BMERB1: variants seen among roughly 807,000 people sequenced by gnomAD.
BMERB1 encodes bMERB domain containing 1.
BMERB1 carries 12 observed loss-of-function variants against 23.6 expected under a neutral mutation model. The observed-to-expected ratio is 0.51, with a 90% CI of 0.33 to 0.82. The LOEUF is 0.82. Ranked by LOEUF, BMERB1 falls within the 40% of genes least tolerant of loss-of-function variation. BMERB1 has a pLI of 0.03. For missense variants in BMERB1, 247 were observed against 255.4 expected, an observed-to-expected ratio of 0.97 and a Z score of 0.22; for synonymous variants, 122 against 96.6, an observed-to-expected ratio of 1.26 and a Z score of -1.54.
In BMERB1 at chr16:15,434,739, A is replaced by C. The variant is rs1466482209; in HGVS notation, c.86A>C (p.Lys29Thr). Residue 29 changes from lysine to threonine, a missense_variant, in exon 1 of 6, where the codon AAA becomes ACA. Lys to Thr is a moderately conservative substitution (Grantham distance 78, BLOSUM62 -1). Coordinates refer to ENST00000300006, the MANE Select transcript of BMERB1 (RefSeq NM_033201.3). ...RYGAVEETAWKTERLGRNQLD... is the reference protein window; with the variant it reads ...RYGAVEETAWTTERLGRNQLD... The stretch of plus-strand genomic sequence containing the variant: ...GGGGCGGTGGAGGAGACGGCTTGGA[A>C]AACGGAGAGACTGGGGAGAAGTGAG... 7.4e-7 allele frequency: 1 copy of C among 1,349,040 alleles called. No homozygotes were observed. Among genetic ancestry groups the C allele is most frequent in the African/African-American group, 1.5e-5 (1 of 67,116 alleles). 83.6% of individuals were successfully genotyped at this position (1,349,040 alleles called of 1,614,324 possible).
chr16:15,477,277 C>T (rs768039180), intron 1 of BMERB1, among the ~76,000 whole-genome samples: 32 of 152,102 alleles, frequency 2.1e-4, no homozygotes, highest in Non-Finnish European at 4.1e-4. Context: ...ACTTATAAAA[C>T]CATCAGATCT....
intron 2 of BMERB1, among the ~76,000 whole-genome samples, chr16:15,554,902 G>A (rs1036574564): frequency 2.0e-5 from 3 of 152,030 alleles, no homozygotes; most frequent in East Asian, 1.9e-4. Context: ...TCCTGACCTT[G>A]TGATCCGCCC....
chr16:15,488,615 C>T (rs1319182756), intron 1 of BMERB1, among the ~76,000 whole-genome samples: 3 of 150,260 alleles, frequency 2.0e-5, no homozygotes, highest in South Asian at 2.1e-4. Context: ...GGGTGGATCA[C>T]GAGGTCAGGA....
At chr16:15,511,978 G>A (rs570447801) in intron 1 of BMERB1, among the ~76,000 whole-genome samples, 37 of 115,778 alleles carry the variant, frequency 3.2e-4, no homozygotes, top group Non-Finnish European at 5.4e-4. Flanking sequence ...GCATCACCAC[G>A]CTCCAGCCTG....
intron 3 of BMERB1, chr16:15,577,162 C>T (rs1029991371): frequency 3.3e-5 from 5 of 152,066 alleles, no homozygotes; most frequent in Admixed American, 6.6e-5. Context: ...AGCGTGGAGC[C>T]GCCATTTTGA....
chr16:15,461,167 C>A (rs1292573664), intron 1 of BMERB1, among the ~76,000 whole-genome samples: 1 of 151,012 alleles, frequency 6.6e-6, no homozygotes, highest in East Asian at 1.9e-4. Flanking sequence ...GGGCTTTGAG[C>A]CTTCTGACCC....
At chr16:15,522,501 A>G (rs1312874557) in intron 2 of BMERB1, among the ~76,000 whole-genome samples, 3 of 152,154 alleles carry the variant, frequency 2.0e-5, no homozygotes, top group African/African-American at 7.2e-5. Context: ...AACATTTTCT[A>G]TGCTGGCTAG....
chr16:15,438,734 A>G (rs2050910551), intron 1 of BMERB1, among the ~76,000 whole-genome samples: 1 of 152,208 alleles, frequency 6.6e-6, no homozygotes, highest in East Asian at 1.9e-4. Context: ...GGCCGTGATT[A>G]CAGATGTGAG....
chr16:15,436,442 A>G lies in BMERB1; in HGVS notation c.106+1683A>G, dbSNP rs186327890. Among the ~76,000 whole-genome samples the G allele has an allele frequency of 3.6e-3, 555 of 152,096 alleles. 3 individuals carry two copies. The highest frequency in any genetic ancestry group is 0.013 in the African/African-American group (528 of 41,486). ...CCTGGCTAACTTTTGTATTTTTAGT[A>G]GAGATGGGGTTTCACCATGTTGGGC... is the stretch of plus-strand genomic sequence containing the variant. On this transcript the variant is annotated intron_variant, in intron 1 of 5. Coordinates refer to ENST00000300006, the MANE Select transcript of BMERB1 (RefSeq NM_033201.3).
chr16:15,534,334 G>A (rs1222534639), intron 2 of BMERB1, among the ~76,000 whole-genome samples: 1 of 149,020 alleles, frequency 6.7e-6, no homozygotes, highest in East Asian at 1.9e-4. Flanking sequence ...CAGGCGCGGT[G>A]GCTCACGTCT....
intron 1 of BMERB1, among the ~76,000 whole-genome samples, chr16:15,458,441 A>G (rs2051105378): frequency 6.6e-6 from 1 of 152,166 alleles, no homozygotes. Flanking sequence ...GCAGCCAAGT[A>G]TGGTGGCTCA....
chr16:15,522,052 A>T (rs112439312), intron 2 of BMERB1, among the ~76,000 whole-genome samples: 2,691 of 151,878 alleles, frequency 0.018, 80 homozygotes, highest in African/African-American at 0.063. Context: ...TAGTCTACCA[A>T]CCCGCTCCTG....
At chr16:15,552,380 C>T (rs1490058660) in intron 2 of BMERB1, among the ~76,000 whole-genome samples, 2 of 151,682 alleles carry the variant, frequency 1.3e-5, no homozygotes, top group Non-Finnish European at 2.9e-5. Context: ...GCAGAGGTTG[C>T]AGTGAGCTGA....
intron 1 of BMERB1, among the ~76,000 whole-genome samples, chr16:15,435,360 C>T (rs898647169): frequency 6.6e-6 from 1 of 152,222 alleles, no homozygotes; most frequent in East Asian, 1.9e-4. Context: ...TGCTTGGGCA[C>T]AACTCTAGAA....
intron 1 of BMERB1, among the ~76,000 whole-genome samples, chr16:15,436,776 C>G (rs1036253148): frequency 6.6e-6 from 1 of 151,982 alleles, no homozygotes; most frequent in East Asian, 1.9e-4. Flanking sequence ...TCAAAATAAT[C>G]TCAACAATGG....
intron 1 of BMERB1, among the ~76,000 whole-genome samples, chr16:15,476,439 A>C (rs1244947431): frequency 1.3e-5 from 2 of 152,234 alleles, no homozygotes; most frequent in East Asian, 3.8e-4. Flanking sequence ...CTGGGATTAC[A>C]GGCGTGAGCC....
chr16:15,465,829 G>A (rs2051176185), intron 1 of BMERB1, among the ~76,000 whole-genome samples: 1 of 152,192 alleles, frequency 6.6e-6, no homozygotes, highest in South Asian at 2.1e-4. Flanking sequence ...TAAACAATCT[G>A]TGATATCCTG....
intron 1 of BMERB1, among the ~76,000 whole-genome samples, chr16:15,511,026 CTCCCTCCT>C (rs1028348081): frequency 6.6e-5 from 10 of 151,900 alleles, no homozygotes; most frequent in African/African-American, 2.4e-4. Flanking sequence ...GATCCTATTC[CTCCCTCCT>C]TCCCTCCTTT....
At chr16:15,437,407 G>A (rs2050897747) in intron 1 of BMERB1, among the ~76,000 whole-genome samples, 1 of 152,108 alleles carries the variant, frequency 6.6e-6, no homozygotes, top group Non-Finnish European at 1.5e-5. Context: ...AGTACTCAAG[G>A]TTAAGTGCTC....
Sources: allele counts gnomAD v4.1 joint callset (sites outside exome capture counted in the v4.1 genomes callset), GRCh38; gene constraint gnomAD v4.1.1; transcripts MANE v1.5; gene names NCBI Gene and HGNC (gene_info 2026-07-23, HGNC 2026-07-21).